HS2ST1: variants seen among roughly 807,000 people sequenced by gnomAD.
HS2ST1 encodes the protein 2-O-sulfotransferase.
HS2ST1 carries 18 observed loss-of-function variants against 42.9 expected under a neutral mutation model. The ratio of observed to expected loss-of-function variants is 0.42; its 90% confidence interval spans 0.29 to 0.62. The LOEUF is 0.62. HS2ST1 is among the 20% of genes least tolerant of loss of function. The pLI is 0.21. For synonymous variants in HS2ST1, 146 were observed against 152.9 expected, an observed-to-expected ratio of 0.95 and a Z score of 0.33; for missense variants, 334 against 433.8, an observed-to-expected ratio of 0.77 and a Z score of 2.04.
At chr1:87,040,799 A>G (rs1243426690) in intron 1 of HS2ST1, among the ~76,000 whole-genome samples, 2 of 152,178 alleles carry the variant, frequency 1.3e-5, no homozygotes, top group Non-Finnish European at 2.9e-5. Context: ...AGGGGGAAAA[A>G]AGCCAGTAGG....
intron 1 of HS2ST1, among the ~76,000 whole-genome samples, chr1:87,061,414 A>G (rs1392225871): frequency 6.6e-6 from 1 of 151,948 alleles, no homozygotes; most frequent in Admixed American, 6.5e-5. Context: ...CCCTCCCCCC[A>G]TTCCCTGGCA....
At chr1:86,918,958 T>A (rs995880977) in intron 1 of HS2ST1, among the ~76,000 whole-genome samples, 33 of 150,980 alleles carry the variant, frequency 2.2e-4, no homozygotes, top group African/African-American at 7.3e-4. Flanking sequence ...TTTTTAAATT[T>A]TTTTTATTTT....
At chr1:86,947,580 TCTC>T (rs1212852864) in intron 1 of HS2ST1, among the ~76,000 whole-genome samples, 1 of 149,752 alleles carries the variant, frequency 6.7e-6, no homozygotes, top group Non-Finnish European at 1.5e-5. Flanking sequence ...CTTTGTCCCT[TCTC>T]CTTTTTTTTT....
At chr1:86,948,232 T>C (rs1227293307) in intron 1 of HS2ST1, among the ~76,000 whole-genome samples, 2 of 152,194 alleles carry the variant, frequency 1.3e-5, no homozygotes, top group African/African-American at 4.8e-5. Flanking sequence ...AAGAAGTATA[T>C]TTTTTGAGGA....
intron 1 of HS2ST1, among the ~76,000 whole-genome samples, chr1:87,069,452 T>G (rs574974625): frequency 6.6e-6 from 1 of 152,314 alleles, no homozygotes; most frequent in Non-Finnish European, 1.5e-5. Flanking sequence ...ATTATAACTA[T>G]CTAATACTTA....
intron 1 of HS2ST1, among the ~76,000 whole-genome samples, chr1:87,011,262 TTTTA>T (rs1649591506): frequency 2.0e-5 from 3 of 152,070 alleles, no homozygotes; most frequent in African/African-American, 7.2e-5. Context: ...CTGGCATTCT[TTTTA>T]TTATTATTTT....
intron 1 of HS2ST1, among the ~76,000 whole-genome samples, chr1:86,928,995 C>G (rs1660478866): frequency 6.6e-6 from 1 of 151,804 alleles, no homozygotes; most frequent in African/African-American, 2.4e-5. Flanking sequence ...AATTAGTAAG[C>G]CATCATGACC....
intron 1 of HS2ST1, among the ~76,000 whole-genome samples, chr1:86,961,160 T>G (rs1647833269): frequency 6.6e-6 from 1 of 151,560 alleles, no homozygotes; most frequent in Non-Finnish European, 1.5e-5. Flanking sequence ...AAAAATCTAC[T>G]TGGAGATTGA....
At chr1:87,101,198 C>G (rs1212104381) in intron 5 of HS2ST1, among the ~76,000 whole-genome samples, 1 of 110,192 alleles carries the variant, frequency 9.1e-6, no homozygotes, top group Non-Finnish European at 1.7e-5. Flanking sequence ...GGCAGTCTCA[C>G]TCTGTCAGCC....
chr1:87,083,552 T>G (rs1651741906), intron 2 of HS2ST1, among the ~76,000 whole-genome samples: 1 of 152,216 alleles, frequency 6.6e-6, no homozygotes, highest in Admixed American at 6.5e-5. Context: ...TAAAATATAC[T>G]TATATAATTT....
chr1:87,042,413 T>A (rs1650545750), intron 1 of HS2ST1, among the ~76,000 whole-genome samples: 1 of 152,104 alleles, frequency 6.6e-6, no homozygotes, highest in Non-Finnish European at 1.5e-5. Flanking sequence ...GTAATAAAAA[T>A]TTCCCCCTAT....
chr1:87,036,325 G>C (rs145415972), intron 1 of HS2ST1, among the ~76,000 whole-genome samples: 1 of 152,192 alleles, frequency 6.6e-6, no homozygotes, highest in African/African-American at 2.4e-5. Flanking sequence ...CCAGTAATGG[G>C]ATTGCTGGGT....
chr1:86,966,396 A>G (rs1335370503), intron 1 of HS2ST1, among the ~76,000 whole-genome samples: 1 of 152,134 alleles, frequency 6.6e-6, no homozygotes, highest in African/African-American at 2.4e-5. Context: ...ATTCTGAACA[A>G]TATTTATAAC....
chr1:87,092,307 TCAGA>T (rs1018153249), intron 3 of HS2ST1, among the ~76,000 whole-genome samples: 24 of 152,018 alleles, frequency 1.6e-4, no homozygotes, highest in African/African-American at 5.8e-4. Context: ...TCCTTTATCT[TCAGA>T]CATAGTTTTT....
intron 1 of HS2ST1, among the ~76,000 whole-genome samples, chr1:87,018,675 A>G (rs756235903): frequency 2.2e-4 from 33 of 152,152 alleles, no homozygotes; most frequent in Non-Finnish European, 4.6e-4. Flanking sequence ...CCATCCAGTG[A>G]GCCATAGCTG....
chr1:86,918,210 T>G (rs1157662808), intron 1 of HS2ST1, among the ~76,000 whole-genome samples: 1 of 151,904 alleles, frequency 6.6e-6, no homozygotes, highest in Non-Finnish European at 1.5e-5. Flanking sequence ...AATTAGGAAT[T>G]CCTAAAAAAA....
At chr1:87,084,526 A>G (rs1261341135) in intron 3 of HS2ST1, among the ~76,000 whole-genome samples, 1 of 152,016 alleles carries the variant, frequency 6.6e-6, no homozygotes, top group Admixed American at 6.6e-5. Context: ...TATTGTGTGT[A>G]TATGCCTTGT....
Position 87,045,228 on chromosome 1 carries a change from C to T in HS2ST1, c.125-27706C>T. 6 of 1,023,478 alleles carry T rather than the reference C, an allele frequency of 5.9e-6. No homozygotes were observed. The South Asian group carries it at 7.6e-5, about 13-fold the overall frequency. 63.4% of individuals were successfully genotyped at this position (1,023,478 alleles called of 1,614,324 possible). On this transcript the variant is annotated intron_variant, in intron 1 of 6. Coordinates refer to ENST00000370550, the MANE Select transcript of HS2ST1 (RefSeq NM_012262.4). ...GGCATCACCAACACTTCAAATTCAA[C>T]ATCCTTTCCTAGGTCTTCACTATGA...
intron 1 of HS2ST1, among the ~76,000 whole-genome samples, chr1:87,026,576 G>A (rs1419125472): frequency 2.6e-5 from 4 of 151,970 alleles, no homozygotes; most frequent in East Asian, 1.9e-4. Context: ...TATAAAAAAC[G>A]GGATATATTG....
Sources: allele counts gnomAD v4.1 joint callset (sites outside exome capture counted in the v4.1 genomes callset), GRCh38; gene constraint gnomAD v4.1.1; transcripts MANE v1.5; gene names NCBI Gene and HGNC (gene_info 2026-07-23, HGNC 2026-07-21).